The following PPP1R21 variants were observed in gnomAD, a reference collection of about 807,000 sequenced individuals.
PPP1R21 encodes the protein KLRAQ motif containing 1.
A neutral mutation model predicts 112.8 loss-of-function variants in PPP1R21; 85 were observed. The ratio of observed to expected loss-of-function variants is 0.75; its 90% CI spans 0.63 to 0.90. PPP1R21 has a LOEUF of 0.90. Ranked by LOEUF, PPP1R21 falls within the 40% of genes least tolerant of loss-of-function variation. The pLI, the probability that PPP1R21 is intolerant of heterozygous loss-of-function variation, is 0.00. For missense variants in PPP1R21, 1,199 were observed against 901.5 expected (o/e 1.33, Z -4.23); for synonymous variants, 381 against 322.3 (o/e 1.18, Z -1.95).
At chr2:48,475,109 T>C (rs1166959711) in intron 12 of PPP1R21, among the ~76,000 whole-genome samples, 1 of 152,128 alleles carries the variant, frequency 6.6e-6, no homozygotes, top group Non-Finnish European at 1.5e-5. Flanking sequence ...TCCCAGCACG[T>C]TGGGAGGCTG....
chr2:48,475,528 G>T (rs1157610154), intron 12 of PPP1R21, among the ~76,000 whole-genome samples: 2 of 151,908 alleles, frequency 1.3e-5, no homozygotes, highest in East Asian at 1.9e-4. Context: ...AATGCCATTT[G>T]TTCCCCTTTG....
chr2:48,451,215 T>C (rs1667455093), intron 2 of PPP1R21, 139 bp downstream of exon 2: 1 of 645,908 alleles, frequency 1.5e-6, no homozygotes, highest in South Asian at 1.9e-5. Context: ...TACAGTCTTT[T>C]GTGGTTAATT....
intron 21 of PPP1R21, 36 bp from the exon 22 acceptor site, chr2:48,514,679 T>C (rs1206493275): frequency 1.1e-5 from 16 of 1,438,688 alleles, no homozygotes. Flanking sequence ...TTTTTTTATG[T>C]TTATGTTCTT....
At chr2:48,505,012 GAAAA>G (rs769990413) in intron 17 of PPP1R21, among the ~76,000 whole-genome samples, 24 of 151,940 alleles carry the variant, frequency 1.6e-4, no homozygotes, top group Non-Finnish European at 2.2e-4. Context: ...AAATTAGAAA[GAAAA>G]AAATCTAGTA....
At chr2:48,441,064 C>T (rs759896740) in intron 1 of PPP1R21, 54 bp downstream of exon 1, 41 of 1,338,068 alleles carry the variant, frequency 3.1e-5, no homozygotes, top group African/African-American at 4.3e-5. Context: ...CCTCAGGTTG[C>T]CGTGGCAGCG....
intron 13 of PPP1R21, among the ~76,000 whole-genome samples, chr2:48,481,388 T>C (rs1669005158): frequency 6.6e-6 from 1 of 152,236 alleles, no homozygotes; most frequent in African/African-American, 2.4e-5. Flanking sequence ...GTTAACAATA[T>C]TCAACTCCAG....
chr2:48,503,677 G>A (rs552947947), intron 17 of PPP1R21, among the ~76,000 whole-genome samples: 49 of 152,256 alleles, frequency 3.2e-4, no homozygotes, highest in Admixed American at 2.8e-3. Context: ...GTCGGGCGCG[G>A]TGGCTCACGC....
chr2:48,493,524 A>T (rs1486103670), intron 15 of PPP1R21, among the ~76,000 whole-genome samples: 2 of 152,062 alleles, frequency 1.3e-5, no homozygotes, highest in African/African-American at 4.8e-5. Context: ...ATTCACGTGT[A>T]TTTTCTTCCA....
At chr2:48,467,990 G>C (rs534774462) in intron 9 of PPP1R21, among the ~76,000 whole-genome samples, 8 of 152,052 alleles carry the variant, frequency 5.3e-5, no homozygotes, top group African/African-American at 1.9e-4. Flanking sequence ...GTATTTTCAG[G>C]GTCTGAACAG....
At chr2:48,461,639 C>T (rs1250137164) in intron 7 of PPP1R21, among the ~76,000 whole-genome samples, 3 of 152,088 alleles carry the variant, frequency 2.0e-5, no homozygotes, top group East Asian at 1.9e-4. Context: ...GCAATAGCTA[C>T]GAAGCTAACT....
At chr2:48,442,977 T>TG (rs1187247224) in intron 1 of PPP1R21, among the ~76,000 whole-genome samples, 5 of 151,820 alleles carry the variant, frequency 3.3e-5, no homozygotes, top group Non-Finnish European at 7.4e-5. Flanking sequence ...GAAAGATTGG[T>TG]GGGAAAAAAG....
At chr2:48,497,391 G>A (rs1384868567) in intron 16 of PPP1R21, among the ~76,000 whole-genome samples, 7 of 152,158 alleles carry the variant, frequency 4.6e-5, no homozygotes, top group Non-Finnish European at 8.8e-5. Flanking sequence ...GACCTTAGAA[G>A]CCTTCCTCAT....
At chr2:48,464,255 A>G (rs1298672119) in intron 7 of PPP1R21, among the ~76,000 whole-genome samples, 1 of 152,190 alleles carries the variant, frequency 6.6e-6, no homozygotes, top group Non-Finnish European at 1.5e-5. Context: ...ACTATGCCAC[A>G]GGAACATTCT....
intron 6 of PPP1R21, 115 bp downstream of exon 6, chr2:48,460,268 A>G (rs1374555935): frequency 5.0e-6 from 5 of 994,050 alleles, no homozygotes; most frequent in Non-Finnish European, 6.0e-6. Flanking sequence ...AGAAAATGGG[A>G]GTAATCTACA....
intron 13 of PPP1R21, among the ~76,000 whole-genome samples, chr2:48,485,015 G>A (rs1340864407): frequency 2.4e-5 from 1 of 41,064 alleles, no homozygotes; most frequent in East Asian, 3.1e-4. Flanking sequence ...GAAAATGTCT[G>A]TTAGGGATGA....
At chr2:48,500,069 G>A (rs919875970) in intron 17 of PPP1R21, among the ~76,000 whole-genome samples, 1 of 152,138 alleles carries the variant, frequency 6.6e-6, no homozygotes, top group African/African-American at 2.4e-5. Context: ...TGAAGAGCAA[G>A]TCATGGTTCT....
intron 7 of PPP1R21, among the ~76,000 whole-genome samples, chr2:48,461,897 C>A (rs1400057027): frequency 1.3e-5 from 2 of 151,700 alleles, no homozygotes; most frequent in Non-Finnish European, 2.9e-5. Flanking sequence ...TTTACTTCCC[C>A]TAAATTTTTT....
At chr2:48,471,922 C>A (rs1302547235) in intron 11 of PPP1R21, among the ~76,000 whole-genome samples, 1 of 152,038 alleles carries the variant, frequency 6.6e-6, no homozygotes, top group Non-Finnish European at 1.5e-5. Flanking sequence ...TTAAATCTTT[C>A]CATTCTAAGA....
At chr2:48,491,905 A>G (rs1266752385) in intron 15 of PPP1R21, among the ~76,000 whole-genome samples, 1 of 152,178 alleles carries the variant, frequency 6.6e-6, no homozygotes, top group Non-Finnish European at 1.5e-5. Flanking sequence ...TTTATTTTTT[A>G]GCTGCTCCTT....
Sources: allele counts gnomAD v4.1 joint callset (sites outside exome capture counted in the v4.1 genomes callset), GRCh38; gene constraint gnomAD v4.1.1; transcripts MANE v1.5; gene names NCBI Gene and HGNC (gene_info 2026-07-23, HGNC 2026-07-21).